The following SEMA5A variants were observed in gnomAD, a reference collection of about 807,000 sequenced individuals.
SEMA5A encodes semaphorin 5A.
SEMA5A carries 55 observed loss-of-function variants against 135.5 expected under a neutral mutation model. The ratio of observed to expected loss-of-function variants is 0.41; its 90% confidence interval spans 0.33 to 0.51. The LOEUF (loss-of-function observed/expected upper bound fraction) is 0.51. Ranked by LOEUF, SEMA5A falls within the 20% of genes least tolerant of loss-of-function variation. The pLI is 0.37. For synonymous variants in SEMA5A, 580 were observed against 546.5 expected, an observed-to-expected ratio of 1.06 and a Z score of -0.85; for missense variants, 1,290 against 1,419.9, an observed-to-expected ratio of 0.91 and a Z score of 1.47.
intron 5 of SEMA5A, among the ~76,000 whole-genome samples, chr5:9,248,319 C>A (rs1748582113): frequency 6.6e-6 from 1 of 152,050 alleles, no homozygotes; most frequent in South Asian, 2.1e-4. Flanking sequence ...CTATTTAAAT[C>A]ATTCCTTTTG....
At chr5:9,128,844 A>T (rs1215194731) in intron 13 of SEMA5A, among the ~76,000 whole-genome samples, 1 of 152,092 alleles carries the variant, frequency 6.6e-6, no homozygotes, top group Non-Finnish European at 1.5e-5. Context: ...GGGCTGGATA[A>T]TTTGCTGTAG....
chr5:9,472,594 G>C (rs868746401), intron 1 of SEMA5A, among the ~76,000 whole-genome samples: 2 of 152,030 alleles, frequency 1.3e-5, no homozygotes, highest in Non-Finnish European at 2.9e-5. Flanking sequence ...TGGGGGTTGG[G>C]AGGTGATGAG....
chr5:9,391,322 G>A (rs776854363), intron 2 of SEMA5A, among the ~76,000 whole-genome samples: 3 of 152,146 alleles, frequency 2.0e-5, no homozygotes, highest in Non-Finnish European at 4.4e-5. Context: ...CAGGGGCAGA[G>A]GGGCAGGATG....
intron 11 of SEMA5A, among the ~76,000 whole-genome samples, chr5:9,167,936 T>C (rs2150300349): frequency 6.6e-6 from 1 of 152,300 alleles, no homozygotes; most frequent in Middle Eastern, 3.4e-3. Flanking sequence ...AGTCAATCTT[T>C]AAGCTCAAGG....
intron 5 of SEMA5A, among the ~76,000 whole-genome samples, chr5:9,269,885 T>G (rs1473620358): frequency 6.6e-6 from 1 of 152,108 alleles, no homozygotes; most frequent in Non-Finnish European, 1.5e-5. Context: ...AGTCCCCTTT[T>G]TACAGCTGCA....
intron 4 of SEMA5A, among the ~76,000 whole-genome samples, chr5:9,323,213 C>T (rs192411447): frequency 9.3e-4 from 142 of 152,236 alleles, no homozygotes; most frequent in Admixed American, 1.4e-3. Flanking sequence ...TACAAATTCC[C>T]AAAAGACTGT....
At chr5:9,239,218 T>C (rs1210371291) in intron 5 of SEMA5A, among the ~76,000 whole-genome samples, 3 of 152,162 alleles carry the variant, frequency 2.0e-5, no homozygotes, top group African/African-American at 7.2e-5. Context: ...GCTATAACTG[T>C]TTTCCCTTGT....
intron 5 of SEMA5A, among the ~76,000 whole-genome samples, chr5:9,267,155 C>T (rs905076609): frequency 1.3e-5 from 2 of 151,420 alleles, no homozygotes; most frequent in African/African-American, 4.8e-5. Flanking sequence ...GAGGCTCTTA[C>T]CTGATGTTCA....
chr5:9,198,637 C>T (rs1052342865), intron 9 of SEMA5A, among the ~76,000 whole-genome samples: 4 of 152,192 alleles, frequency 2.6e-5, no homozygotes, highest in African/African-American at 4.8e-5. Flanking sequence ...ATGATGCATA[C>T]AGGGCCTGGC....
intron 13 of SEMA5A, among the ~76,000 whole-genome samples, chr5:9,130,272 T>A (rs754750933): frequency 7.2e-5 from 11 of 152,170 alleles, no homozygotes; most frequent in Non-Finnish European, 1.3e-4. Flanking sequence ...TTAATTGAAG[T>A]CTTATTTTTC....
rs563193134 is a variant in SEMA5A at position 9,414,018 on chromosome 5, C to A, written c.-78+23738G>T. The stretch of plus-strand genomic sequence containing the variant: ...GAACATTTCCTAACTTTTTTTCAAT[C>A]TGGGAGGATCTGATTCATAATTATC... On this transcript the variant is annotated intron_variant, in intron 2 of 22. Transcript: ENST00000382496. Among the ~76,000 whole-genome samples, 15 of 152,208 alleles carry A rather than the reference C, an allele frequency of 9.9e-5. No individual in the cohort carries two copies. The South Asian group carries it at 2.9e-3, about 29-fold the overall frequency.
At chr5:9,142,651 T>G (rs1020302390) in intron 12 of SEMA5A, among the ~76,000 whole-genome samples, 1 of 152,206 alleles carries the variant, frequency 6.6e-6, no homozygotes, top group Non-Finnish European at 1.5e-5. Flanking sequence ...AAGCTATTCT[T>G]GTACTTTAAG....
chr5:9,050,528 T>A, intron 20 of SEMA5A, 71 bp from the exon 21 acceptor site: 1 of 1,210,990 alleles, frequency 8.3e-7, no homozygotes. Context: ...ATGCTTCATG[T>A]ATGTTTGTCT....
intron 2 of SEMA5A, among the ~76,000 whole-genome samples, chr5:9,418,726 T>C (rs1348816593): frequency 1.3e-5 from 2 of 152,154 alleles, no homozygotes; most frequent in Non-Finnish European, 2.9e-5. Flanking sequence ...GTAATCAAAT[T>C]GTACTACATA....
chr5:9,232,169 T>C (rs1215196020), intron 6 of SEMA5A, among the ~76,000 whole-genome samples: 1 of 152,184 alleles, frequency 6.6e-6, no homozygotes, highest in Non-Finnish European at 1.5e-5. Context: ...ATTGGTTTTG[T>C]CATATAGCAT....
At chr5:9,526,577 A>C (rs1283612538) in intron 1 of SEMA5A, among the ~76,000 whole-genome samples, 1 of 152,186 alleles carries the variant, frequency 6.6e-6, no homozygotes, top group Non-Finnish European at 1.5e-5. Flanking sequence ...AAATGGTGTT[A>C]CACTGCAGCA....
intron 2 of SEMA5A, among the ~76,000 whole-genome samples, chr5:9,387,103 G>A (rs1474902374): frequency 6.6e-6 from 1 of 152,164 alleles, no homozygotes; most frequent in African/African-American, 2.4e-5. Context: ...CATCAGGATG[G>A]GTCCTGCTAC....
At chr5:9,342,912 T>A (rs540155202) in intron 3 of SEMA5A, among the ~76,000 whole-genome samples, 1 of 152,346 alleles carries the variant, frequency 6.6e-6, no homozygotes, top group East Asian at 1.9e-4. Context: ...TGCTATATTA[T>A]TAAACTTCAG....
intron 4 of SEMA5A, among the ~76,000 whole-genome samples, chr5:9,325,169 T>A (rs900147158): frequency 2.0e-5 from 3 of 152,138 alleles, no homozygotes; most frequent in African/African-American, 4.8e-5. Context: ...TTTGCCAAAG[T>A]GTAACAGTTC....
Sources: gnomAD v4.1 joint callset for allele counts (sites outside exome capture counted in the v4.1 genomes callset) on GRCh38, gnomAD v4.1.1 for gene constraint, MANE v1.5 for transcripts, NCBI Gene and HGNC (gene_info 2026-07-23, HGNC 2026-07-21) for gene names.